Variants in NOD2 observed in about 807,000 individuals in gnomAD.
The protein encoded by NOD2 is nucleotide-binding oligomerization domain-containing protein 2.
In NOD2, 86 loss-of-function variants were observed where a neutral mutation model predicts 90.9. The ratio of observed to expected loss-of-function variants is 0.95; its 90% confidence interval spans 0.79 to 1.13. The LOEUF (loss-of-function observed/expected upper bound fraction) is 1.13. NOD2 is among the 50% of genes most tolerant of loss of function. The pLI is 0.00. For synonymous variants in NOD2, 581 were observed against 554.6 expected, an observed-to-expected ratio of 1.05 and a Z score of -0.67; for missense variants, 1,238 against 1,283.8, an observed-to-expected ratio of 0.96 and a Z score of 0.55.
chr16:50,700,043 G>A, intron 2 of NOD2, 89 bp downstream of exon 2: 2 of 1,274,902 alleles, frequency 1.6e-6, no homozygotes, highest in Non-Finnish European at 2.2e-6. Flanking sequence ...GTCAGCCTGT[G>A]GGGTAACTTG....
intron 3 of NOD2, among the ~76,000 whole-genome samples, chr16:50,709,692 C>T (rs1177803065): frequency 6.6e-6 from 1 of 152,142 alleles, no homozygotes; most frequent in Non-Finnish European, 1.5e-5. Context: ...ATCATCTCCC[C>T]ATCTCGAAGT....
At chr16:50,712,579 G>C in intron 4 of NOD2, 1 of 654,108 alleles carries the variant, frequency 1.5e-6, no homozygotes, top group South Asian at 1.8e-5. Context: ...CCTATGTGCT[G>C]GGTCTGGTGC....
At chr16:50,728,866 C>T (rs1260036751) in intron 10 of NOD2, 2 of 152,840 alleles carry the variant, frequency 1.3e-5, no homozygotes, top group Non-Finnish European at 2.9e-5. Context: ...TCTCTGTGCC[C>T]TCAAAGACCC....
rs1345116503 is a variant in NOD2 at position 50,719,882 on chromosome 16, C to G, written c.2550-43C>G. On this transcript the variant is annotated intron_variant, in intron 6 of 11. Coordinates refer to ENST00000647318, the MANE Select transcript of NOD2 (RefSeq NM_001370466.1). ...GGGCACAGACGGCCCTCCTTTTCTG[C>G]CTGCCGCTGTGTTCTCTCAGCCTCC... The G allele has an allele frequency of 4.5e-6, 7 of 1,571,036 alleles. No homozygotes were observed. The Admixed American group carries it at 1.2e-4, about 26-fold the overall frequency.
intron 2 of NOD2, among the ~76,000 whole-genome samples, chr16:50,703,683 CA>C (rs1043742883): frequency 0.039 from 2,191 of 56,462 alleles, 37 homozygotes; most frequent in African/African-American, 0.099. Context: ...GACTCTGTCT[CA>C]AAAAAAAAAA....
chr16:50,719,740 G>A, intron 6 of NOD2, 185 bp from the exon 7 acceptor site: 1 of 714,602 alleles, frequency 1.4e-6, no homozygotes, highest in South Asian at 1.4e-5. Context: ...CCTTTGCTGG[G>A]GGAAAATGAA....
intron 7 of NOD2, among the ~76,000 whole-genome samples, chr16:50,720,851 C>CTAGA (rs1319323936): frequency 6.6e-6 from 1 of 151,920 alleles, no homozygotes; most frequent in African/African-American, 2.4e-5. Flanking sequence ...GTTGCCCAGG[C>CTAGA]TAGAGTGCAG....
chr16:50,727,955 A>G lies in NOD2; in HGVS notation c.2886-1863A>G. ...TTTGGAGCTTCTTCTCGGTCCAACCACTGAGCTAGTCATTGCCAGTTGTAT... is the reference window on the plus strand; with the variant it reads ...TTTGGAGCTTCTTCTCGGTCCAACCGCTGAGCTAGTCATTGCCAGTTGTAT... On this transcript the variant is annotated intron_variant, in intron 10 of 11. Transcript: ENST00000647318. The G allele has an allele frequency of 7.5e-6, 2 of 265,968 alleles. 1 individual carries two copies. The highest frequency in any genetic ancestry group is 1.3e-3 in the Middle Eastern group (2 of 1,574). The allele number at this position is 265,968 out of a possible 1,614,324, so 16.5% of individuals were successfully genotyped here.
chr16:50,715,070 C>A (rs927062308), intron 4 of NOD2, among the ~76,000 whole-genome samples: 14 of 152,204 alleles, frequency 9.2e-5, no homozygotes, highest in Non-Finnish European at 1.5e-4. Flanking sequence ...TGAAAAATCA[C>A]TGCACTACAG....
Position 50,707,965 on chromosome 16 carries a change from G to A in NOD2, c.565+5G>A. On this transcript the variant is annotated splice_donor_5th_base_variant and intron_variant, in intron 3 of 11. Transcript: ENST00000647318. The stretch of plus-strand genomic sequence containing the variant: ...CATTGGCCCTGCCTTTGGAAGGTAG[G>A]TGTATGTTCTCAGTTAATCAGAAAG... 6.3e-7 allele frequency: 1 copy of A among 1,590,686 alleles called. No individual in the cohort carries two copies. The highest frequency in any genetic ancestry group is 8.6e-7 in the Non-Finnish European group (1 of 1,158,586).
At position 50,712,157 on chromosome 16, in the gene NOD2, T is replaced by G; in HGVS notation, c.2165T>G (p.Met722Arg). Reference protein sequence around the residue: ...FIWLIRSLYEMQEERLARKAA... With the variant: ...FIWLIRSLYERQEERLARKAA... ...TGGCTCATCCGGAGCCTGTACGAGA[T>G]GCAGGAGGAGCGGCTGGCTCGGAAG... Residue 722 changes from methionine to arginine, a missense_variant, in exon 4 of 12, where the codon ATG becomes AGG. This residue lies in a region of NOD2 where 667 missense variants were observed against 688.7 expected (regional missense o/e 0.97). Coordinates refer to ENST00000647318, the MANE Select transcript of NOD2 (RefSeq NM_001370466.1). The G allele has an allele frequency of 1.2e-6, 2 of 1,614,164 alleles. No individual in the cohort carries two copies. Among genetic ancestry groups the G allele is most frequent in the Non-Finnish European group, 1.7e-6 (2 of 1,180,052 alleles).
rs146276010 is a variant in NOD2 at position 50,719,941 on chromosome 16, A to G, written c.2566A>G (p.Ile856Val). The G allele has an allele frequency of 6.2e-7, 1 of 1,613,994 alleles. No individual in the cohort carries two copies. Among genetic ancestry groups the G allele is most frequent in the Admixed American group, 1.7e-5 (1 of 60,002 alleles). The change falls in exon 7 of 12, where the codon ATC (isoleucine) becomes GTC (valine). Residue 856 changes from isoleucine (I) to valine (V), a missense_variant. Ile to Val is a conservative substitution (Grantham distance 29). Transcript: ENST00000647318. ...CCCTTCCAGGCTGGGGAATAACTACATCACTGCCGCGGGAGCCCAAGTGCT... is the reference window on the plus strand; with the variant it reads ...CCCTTCCAGGCTGGGGAATAACTACGTCACTGCCGCGGGAGCCCAAGTGCT... The part of the protein sequence containing the change: ...FLALRLGNNY[I>V]TAAGAQVLAE...
At chr16:50,716,819 C>A (rs767197378) in intron 5 of NOD2, 72 bp from the exon 6 acceptor site, 15 of 1,532,056 alleles carry the variant, frequency 9.8e-6, no homozygotes, top group South Asian at 1.1e-5. Context: ...AGGGGAAGGG[C>A]AACCCTGGGA....
At chr16:50,730,367 G>A (rs1375226141) in intron 11 of NOD2, among the ~76,000 whole-genome samples, 1 of 152,138 alleles carries the variant, frequency 6.6e-6, no homozygotes, top group African/African-American at 2.4e-5. Flanking sequence ...AGCAAGAATT[G>A]CATTCTTGAC....
At chr16:50,708,148 A>T (rs1003965264) in intron 3 of NOD2, among the ~76,000 whole-genome samples, 188 bp downstream of exon 3, 1 of 152,210 alleles carries the variant, frequency 6.6e-6, no homozygotes. Context: ...AAAGGACAAA[A>T]GCGTGTAATG....
rs2067085 is a variant in NOD2, at chr16:50,699,948, C to A, written c.453C>A (p.Ser151=). ...TCAGGTTGCCGATCTTCACACCGTC[C>A]CAGAGGGTGAGGCACTCCTGGTGTG... The part of the protein sequence containing the change: ...DEIRLPIFTP[S]QRARRLLDLA... The change falls in exon 2 of 12, where the codon TCC becomes TCA. Residue 151 remains serine (S), a synonymous_variant. Coordinates refer to ENST00000647318, the MANE Select transcript of NOD2 (RefSeq NM_001370466.1). The A allele has an allele frequency of 1.9e-6, 3 of 1,605,324 alleles. No homozygotes were observed. The highest frequency in any genetic ancestry group is 1.3e-5 in the African/African-American group (1 of 74,906).
chr16:50,711,593 G>C lies in NOD2; in HGVS notation c.1601G>C (p.Cys534Ser). The C allele has an allele frequency of 6.2e-7, 1 of 1,611,500 alleles. No individual in the cohort carries two copies. Among genetic ancestry groups the C allele is most frequent in the Non-Finnish European group, 8.5e-7 (1 of 1,180,016 alleles). ...GRLALWGLGM[C>S]CYVFSAQQLQ... ...CTGGCTCTGTGGGGCCTGGGCATGT[G>C]CTGCTACGTGTTCTCAGCCCAGCAG... The change falls in exon 4 of 12, where the codon TGC becomes TCC. Residue 534 changes from cysteine to serine, a missense_variant. Physicochemically the swap from Cys to Ser is moderately radical, Grantham distance 112. This residue lies in a region of NOD2 where 667 missense variants were observed against 688.7 expected (regional missense o/e 0.97). Transcript: ENST00000647318.
chr16:50,711,012 C>A lies in NOD2; in HGVS notation c.1020C>A (p.Leu340=), dbSNP rs1481032704. The change falls in exon 4 of 12, where the codon CTC becomes CTA. Residue 340 remains leucine, a synonymous_variant. Transcript: ENST00000647318. ...GTCAAGAAGACATCTTCCAGTTACT[C>A]CTTGACCACCCTGACCGTGTCCTGT... ...DVGQEDIFQL[L]LDHPDRVLLT... 4 of 1,614,226 alleles carry A rather than the reference C, an allele frequency of 2.5e-6. No homozygotes were observed. In the South Asian group the frequency reaches 4.4e-5, roughly 18 times the overall value.
chr16:50,723,139 G>GAAAAAAAAAAAAAA, intron 8 of NOD2, among the ~76,000 whole-genome samples, 162 bp from the exon 9 acceptor site: 1 of 107,846 alleles, frequency 9.3e-6, no homozygotes, highest in Non-Finnish European at 1.9e-5. Context: ...AAAAAGGGTA[G>GAAAAAAAAAAAAAA]AAAAAAAAAA....
Sources: gnomAD v4.1 joint callset for allele counts (sites outside exome capture counted in the v4.1 genomes callset) on GRCh38, gnomAD v4.1.1 for gene constraint, gnomAD v4.1.1 regional missense constraint, MANE v1.5 for transcripts, NCBI Gene and HGNC (gene_info 2026-07-23, HGNC 2026-07-21) for gene names.